The following HS3ST4 variants were observed in gnomAD, a reference collection of about 807,000 sequenced individuals.
HS3ST4 encodes heparan sulfate glucosamine 3-O-sulfotransferase 4.
In HS3ST4, 17 loss-of-function variants were observed where a neutral mutation model predicts 29.2. That is an observed-to-expected ratio of 0.58 (90% CI 0.40 to 0.87). The LOEUF is 0.87. Ranked by LOEUF, HS3ST4 falls within the 40% of genes least tolerant of loss-of-function variation. HS3ST4 has a pLI of 0.00. For synonymous variants in HS3ST4, 314 were observed against 285.7 expected, an observed-to-expected ratio of 1.10 and a Z score of -1.00; for missense variants, 627 against 634.5, an observed-to-expected ratio of 0.99 and a Z score of 0.13.
intron 1 of HS3ST4, among the ~76,000 whole-genome samples, chr16:25,780,713 C>A (rs1049677889): frequency 5.3e-5 from 8 of 152,142 alleles, no homozygotes; most frequent in Non-Finnish European, 1.5e-5. Context: ...AAACTGTTGA[C>A]CACAGTCAGT....
At chr16:26,020,326 G>A (rs934364795) in intron 1 of HS3ST4, among the ~76,000 whole-genome samples, 2 of 152,178 alleles carry the variant, frequency 1.3e-5, no homozygotes, top group African/African-American at 4.8e-5. Context: ...ATTTAAAGAA[G>A]TGCTGTTGTC....
chr16:25,808,689 A>C (rs532051737), intron 1 of HS3ST4, among the ~76,000 whole-genome samples: 2 of 152,160 alleles, frequency 1.3e-5, no homozygotes, highest in African/African-American at 2.4e-5. Flanking sequence ...AAATCTATAG[A>C]TCACTATGGG....
chr16:25,750,003 A>G (rs1313313571), intron 1 of HS3ST4, among the ~76,000 whole-genome samples: 1 of 152,208 alleles, frequency 6.6e-6, no homozygotes, highest in East Asian at 1.9e-4. Flanking sequence ...TATTATGCTC[A>G]TATATTCTGT....
At chr16:26,040,595 G>C (rs111717405) in intron 1 of HS3ST4, among the ~76,000 whole-genome samples, 3 of 151,788 alleles carry the variant, frequency 2.0e-5, no homozygotes, top group East Asian at 3.9e-4. Context: ...GTGAGCCACC[G>C]CATTCGGCCT....
chr16:26,028,874 A>C (rs1969504380), intron 1 of HS3ST4: 1 of 152,272 alleles, frequency 6.6e-6, no homozygotes, highest in African/African-American at 2.4e-5. Flanking sequence ...TACAGGCAGG[A>C]GGCAGAGTGG....
rs117481206 is a variant in HS3ST4 at position 25,714,724 on chromosome 16, G to A, written c.734+21573G>A. 2.8e-3 allele frequency among the ~76,000 whole-genome samples: 430 copies of A among 152,286 alleles called. 1 individual carries two copies. The highest frequency in any genetic ancestry group is 0.014 in the Middle Eastern group (4 of 294). ...CATGAGATGGTGAACACTTTTCCCT[G>A]ACATGGCAGAGAAGTCTAGCTCGTT... On this transcript the variant is annotated intron_variant, in intron 1 of 1. Transcript: ENST00000331351.
chr16:25,785,157 C>A (rs894448960), intron 1 of HS3ST4, among the ~76,000 whole-genome samples: 1 of 152,182 alleles, frequency 6.6e-6, no homozygotes, highest in Non-Finnish European at 1.5e-5. Flanking sequence ...AAAAAGATTC[C>A]TTTCAAAATA....
rs1186119637 is a variant in HS3ST4 at position 25,692,742 on chromosome 16, G to C, written c.325G>C (p.Gly109Arg). The C allele has an allele frequency of 1.9e-5, 25 of 1,288,954 alleles. No homozygotes were observed. Among genetic ancestry groups the C allele is most frequent in the Non-Finnish European group, 2.2e-5 (23 of 1,022,770 alleles). The allele number at this position is 1,288,954 out of a possible 1,614,324, so 79.8% of individuals were successfully genotyped here. The change falls in exon 1 of 2, where the codon GGG (glycine) becomes CGG (arginine). Residue 109 changes from glycine (G) to arginine (R), a missense_variant. By Grantham distance (125) the Gly-to-Arg change is moderately radical. Transcript: ENST00000331351. ...GCCGCCGCTGGACAACGCGAGCCAC[G>C]GGGAGCCGCCCGAGCCCCCAGAGCA... The part of the protein sequence containing the change: ...APPPLDNASH[G>R]EPPEPPEQPA...
At chr16:26,008,704 A>G (rs1596642979) in intron 1 of HS3ST4, among the ~76,000 whole-genome samples, 1 of 152,204 alleles carries the variant, frequency 6.6e-6, no homozygotes, top group African/African-American at 2.4e-5. Context: ...CTGTAATCCC[A>G]GCTACTTGGG....
At chr16:26,024,804 A>C (rs1239517574) in intron 1 of HS3ST4, among the ~76,000 whole-genome samples, 1 of 152,196 alleles carries the variant, frequency 6.6e-6, no homozygotes, top group Non-Finnish European at 1.5e-5. Flanking sequence ...CCTTTGTGTA[A>C]TTCCAGCCTT....
intron 1 of HS3ST4, among the ~76,000 whole-genome samples, chr16:26,117,663 G>T (rs968278511): frequency 1.3e-5 from 2 of 152,238 alleles, no homozygotes; most frequent in Admixed American, 1.3e-4. Context: ...TGGTAGCAAT[G>T]AGATGGAGGC....
At chr16:25,743,814 G>T (rs942113525) in intron 1 of HS3ST4, among the ~76,000 whole-genome samples, 2 of 152,112 alleles carry the variant, frequency 1.3e-5, no homozygotes, top group Non-Finnish European at 1.5e-5. Flanking sequence ...CCATTTGATG[G>T]ATCTTATGCT....
chr16:25,783,641 AG>A (rs1272688131), intron 1 of HS3ST4, among the ~76,000 whole-genome samples: 1 of 152,184 alleles, frequency 6.6e-6, no homozygotes, highest in Non-Finnish European at 1.5e-5. Context: ...TCAGCCGCTG[AG>A]GTTAATTTTT....
intron 1 of HS3ST4, among the ~76,000 whole-genome samples, chr16:26,032,279 C>T (rs981648576): frequency 1.1e-4 from 16 of 152,154 alleles, no homozygotes; most frequent in African/African-American, 3.9e-4. Context: ...AATCCCTCCT[C>T]CTGGGAGCCA....
intron 1 of HS3ST4, among the ~76,000 whole-genome samples, chr16:26,052,992 A>G (rs896853176): frequency 1.3e-5 from 2 of 152,194 alleles, no homozygotes; most frequent in Non-Finnish European, 2.9e-5. Flanking sequence ...AGACAATTCC[A>G]TGAAGTTTAT....
intron 1 of HS3ST4, among the ~76,000 whole-genome samples, chr16:25,800,963 T>C (rs1415380324): frequency 6.6e-6 from 1 of 152,164 alleles, no homozygotes; most frequent in Non-Finnish European, 1.5e-5. Context: ...TTCTATTATT[T>C]ATAAATCACC....
At chr16:25,720,548 A>G (rs757143173) in intron 1 of HS3ST4, among the ~76,000 whole-genome samples, 1 of 152,116 alleles carries the variant, frequency 6.6e-6, no homozygotes, top group Non-Finnish European at 1.5e-5. Context: ...ATTGCTAAGA[A>G]TTGGTTCTTC....
intron 1 of HS3ST4, among the ~76,000 whole-genome samples, chr16:26,044,724 A>AG (rs5816351): frequency 0.15 from 23,321 of 152,092 alleles, 1,865 homozygotes; most frequent in Middle Eastern, 0.28. Context: ...GGGGCCAGGC[A>AG]GGGGCATCTG....
chr16:26,130,480 T>C (rs1033536475), intron 1 of HS3ST4, among the ~76,000 whole-genome samples: 1 of 152,154 alleles, frequency 6.6e-6, no homozygotes, highest in Admixed American at 6.6e-5. Context: ...CTAGTACATG[T>C]CAGACACTGT....
Sources: allele counts gnomAD v4.1 joint callset (sites outside exome capture counted in the v4.1 genomes callset), GRCh38; gene constraint gnomAD v4.1.1; transcripts MANE v1.5; gene names NCBI Gene and HGNC (gene_info 2026-07-23, HGNC 2026-07-21).